The following CFAP74 variants were observed in gnomAD, a reference collection of about 807,000 sequenced individuals.
CFAP74 encodes cilia and flagella associated protein 74.
CFAP74 carries 124 observed loss-of-function variants against 188.9 expected under a neutral mutation model. The ratio of observed to expected loss-of-function variants is 0.66; its 90% CI spans 0.57 to 0.76. The LOEUF is 0.76. Ranked by LOEUF, CFAP74 falls within the 30% of genes least tolerant of loss-of-function variation. The probability of loss-of-function intolerance (pLI) is 0.00; values close to 1 mark genes in which losing one functional copy is unlikely to be tolerated. For missense variants in CFAP74, 2,198 were observed against 2,165.2 expected, an observed-to-expected ratio of 1.02 and a Z score of -0.30; for synonymous variants, 956 against 916.7, an observed-to-expected ratio of 1.04 and a Z score of -0.77.
chr1:1,925,622 G>A (rs956508279), intron 33 of CFAP74, among the ~76,000 whole-genome samples, 161 bp downstream of exon 33: 2 of 152,170 alleles, frequency 1.3e-5, no homozygotes, highest in Non-Finnish European at 2.9e-5. Context: ...AGGAGAGGGC[G>A]GCAGAGGCGG....
intron 1 of CFAP74, among the ~76,000 whole-genome samples, chr1:1,997,745 T>A (rs1398716985): frequency 6.6e-6 from 1 of 152,074 alleles, no homozygotes; most frequent in Non-Finnish European, 1.5e-5. Context: ...TCGGGCAGCA[T>A]GAAAGGAGAC....
chr1:1,962,365 A>G (rs1427852427), intron 14 of CFAP74, among the ~76,000 whole-genome samples: 1 of 151,688 alleles, frequency 6.6e-6, no homozygotes, highest in Non-Finnish European at 1.5e-5. Context: ...TATCCGAGCT[A>G]CTCAGGAGGC....
At chr1:1,925,221 G>A in intron 33 of CFAP74, among the ~76,000 whole-genome samples, 1 of 143,596 alleles carries the variant, frequency 7.0e-6, no homozygotes, top group African/African-American at 2.7e-5. Context: ...AAGGCATGAG[G>A]GCACACGCTG....
At chr1:1,951,017 A>AG (rs953416195) in intron 18 of CFAP74, among the ~76,000 whole-genome samples, 5 of 152,136 alleles carry the variant, frequency 3.3e-5, no homozygotes, top group African/African-American at 1.2e-4. Flanking sequence ...GTTAAACTGG[A>AG]GGGGGGTGTA....
intron 6 of CFAP74, among the ~76,000 whole-genome samples, chr1:1,982,118 T>G (rs60873894): frequency 0.038 from 775 of 20,322 alleles, 1 homozygote; most frequent in Admixed American, 0.066. Flanking sequence ...ACAGACACGG[T>G]GACACACAGG....
intron 9 of CFAP74, among the ~76,000 whole-genome samples, 171 bp from the exon 10 acceptor site, chr1:1,970,987 T>C (rs1043986681): frequency 2.1e-5 from 3 of 144,342 alleles, no homozygotes; most frequent in African/African-American, 5.3e-5. Context: ...TGCACACACG[T>C]GCACACACAC....
chr1:1,968,518 T>G lies in CFAP74; in HGVS notation c.1245+117A>C, dbSNP rs911255219. The G allele has an allele frequency of 1.1e-5, 9 of 845,898 alleles. No homozygotes were observed. The highest frequency in any genetic ancestry group is 7.3e-5 in the East Asian group (3 of 41,134). 52.4% of individuals were successfully genotyped at this position (845,898 alleles called of 1,614,324 possible). On this transcript the variant is annotated intron_variant, in intron 11 of 38. Coordinates refer to ENST00000682832, the MANE Select transcript of CFAP74 (RefSeq NM_001304360.2). The surrounding 1 kb of genome is among the most constrained non-coding windows in gnomAD (Gnocchi z 4.3). ...CCACTCAGCGGGCTCAGCAACCCCC[T>G]GCAGGTGGCCATGGTGCTGAGGTCC...
In CFAP74 at chr1:1,956,774, T is replaced by C. The variant is rs1312102363; in HGVS notation, c.1862A>G (p.Asp621Gly). The C allele has an allele frequency of 1.7e-5, 28 of 1,612,676 alleles. 1 individual carries two copies. In the East Asian group the frequency reaches 6.2e-4, roughly 36 times the overall value. ...CSTKKCSLSL[D>G]KELIDFGSYV... ...GCTGCCGAAGTCAATGAGCTCCTTG[T>C]CGAGGGACAGCTGCCAGAGGACATG... Residue 621 changes from aspartate to glycine, a missense_variant, in exon 17 of 39, where the codon GAC (aspartate) becomes GGC (glycine). Coordinates refer to ENST00000682832, the MANE Select transcript of CFAP74 (RefSeq NM_001304360.2).
intron 1 of CFAP74, among the ~76,000 whole-genome samples, chr1:1,998,286 C>A (rs1217117072): frequency 6.6e-6 from 1 of 152,012 alleles, no homozygotes; most frequent in Non-Finnish European, 1.5e-5. Flanking sequence ...TCAAAAAAAA[C>A]AAGAAATTAT....
Position 1,947,032 on chromosome 1 carries a change from C to A in CFAP74, c.2199G>T (p.Val733=). The A allele has an allele frequency of 6.5e-7, 1 of 1,536,076 alleles. No homozygotes were observed. The highest frequency in any genetic ancestry group is 1.2e-5 in the South Asian group (1 of 84,052). ...QPAEPERLTT[V]IPPSEEQTEI... is the part of the protein sequence containing the mutation. ...CCGTCTGCTCTTCGCTGGGAGGTAT[C>A]ACTGTGGTTAATCTCTCTGGTTCTG... Residue 733 remains valine, a synonymous_variant, in exon 19 of 39, where the codon GTG becomes GTT. Transcript: ENST00000682832.
intron 25 of CFAP74, among the ~76,000 whole-genome samples, chr1:1,931,834 G>A (rs1402379558): frequency 1.3e-5 from 2 of 151,346 alleles, no homozygotes; most frequent in African/African-American, 2.4e-5. Flanking sequence ...AGACCGAGGC[G>A]GGTGGATTAC....
At chr1:1,995,311 G>A (rs1391363832) in intron 1 of CFAP74, among the ~76,000 whole-genome samples, 1 of 152,096 alleles carries the variant, frequency 6.6e-6, no homozygotes, top group African/African-American at 2.4e-5. Context: ...GGCCAACATA[G>A]TGAAACCCCG....
rs1218488416 is a variant in CFAP74, at chr1:1,964,781, C to T, written c.1575+107G>A. On this transcript the variant is annotated intron_variant, in intron 13 of 38. Coordinates refer to ENST00000682832, the MANE Select transcript of CFAP74 (RefSeq NM_001304360.2). ...CTCCAGCCTGGGCGACAGAGTGAGA[C>T]TCCATCTCAAAAAAAAGCAAAAGGT... The T allele has an allele frequency of 2.5e-6, 3 of 1,199,418 alleles. No individual in the cohort carries two copies. In the Admixed American group the frequency reaches 6.6e-5, roughly 26 times the overall value. The allele number at this position is 1,199,418 out of a possible 1,614,324, so 74.3% of individuals were successfully genotyped here.
rs757203714 is a variant in CFAP74 at position 1,971,961 on chromosome 1, TG to T, written c.888+18del. On this transcript the variant is annotated intron_variant, in intron 9 of 38. Transcript: ENST00000682832. Reference sequence around the variant, plus strand: ...GCAGGGCGCCAAGGGAGAGGCTGGGTGGGGCTGCGGGGGCCTACCCGGTTCG... The same window carrying T: ...GCAGGGCGCCAAGGGAGAGGCTGGGTGGGCTGCGGGGGCCTACCCGGTTCG... The T allele has an allele frequency of 8.1e-5, 128 of 1,589,654 alleles. No homozygotes were observed. Among genetic ancestry groups the T allele is most frequent in the Middle Eastern group, 3.3e-4 (2 of 6,052 alleles).
intron 2 of CFAP74, 39 bp downstream of exon 2, chr1:1,990,851 T>G (rs1024168644): frequency 1.3e-6 from 2 of 1,541,408 alleles, no homozygotes; most frequent in Non-Finnish European, 1.8e-6. Context: ...GTTTGTCTTT[T>G]TGCTGAAACT....
intron 1 of CFAP74, among the ~76,000 whole-genome samples, chr1:2,002,164 CAG>C (rs760418513): frequency 4.6e-5 from 7 of 152,014 alleles, no homozygotes; most frequent in Non-Finnish European, 8.8e-5. Flanking sequence ...TGGGGGGCGA[CAG>C]AGCATCATGA....
At position 1,970,924 on chromosome 1, in the gene CFAP74, C is replaced by A. The variant is rs1004941299; in HGVS notation, c.889-108G>T. 130 of 1,317,744 alleles carry A rather than the reference C, an allele frequency of 9.9e-5. 1 individual carries two copies. The highest frequency in any genetic ancestry group is 1.4e-5 in the Non-Finnish European group (13 of 941,728). The allele number at this position is 1,317,744 out of a possible 1,614,324, so 81.6% of individuals were successfully genotyped here. On this transcript the variant is annotated intron_variant, in intron 9 of 38. Coordinates refer to ENST00000682832, the MANE Select transcript of CFAP74 (RefSeq NM_001304360.2). ...AGGTTCATACATGCACACGTGCACA[C>A]ACGTGCACACACACATGCACACCTG... is the stretch of plus-strand genomic sequence containing the variant.
chr1:1,997,317 G>A (rs1420010051), intron 1 of CFAP74, among the ~76,000 whole-genome samples: 2 of 152,052 alleles, frequency 1.3e-5, no homozygotes, highest in African/African-American at 4.8e-5. Flanking sequence ...AGCTACTTGG[G>A]AGGCTGAGGC....
In CFAP74 at chr1:1,923,193, G is replaced by T; in HGVS notation, c.4523-48C>A. ...GCTGTTCAGGGTCAGGCTGAGGCAT[G>T]GGGTGAGGCTGCAGCTGGACTCCTG... On this transcript the variant is annotated intron_variant, in intron 36 of 38. Coordinates refer to ENST00000682832, the MANE Select transcript of CFAP74 (RefSeq NM_001304360.2). The surrounding 1 kb of genome is among the most constrained non-coding windows in gnomAD (Gnocchi z 6.3). 1 of 1,555,786 alleles carries T rather than the reference G, an allele frequency of 6.4e-7. No individual in the cohort carries two copies.
Sources: allele counts gnomAD v4.1 joint callset (sites outside exome capture counted in the v4.1 genomes callset), GRCh38; gene constraint gnomAD v4.1.1; non-coding constraint Gnocchi (gnomAD v3.1); transcripts MANE v1.5; gene names NCBI Gene and HGNC (gene_info 2026-07-23, HGNC 2026-07-21).